Variants in PKP2 observed in about 807,000 individuals in gnomAD.
PKP2 encodes plakophilin-2.
PKP2 carries 73 observed loss-of-function variants against 83.4 expected under a neutral mutation model. That is an observed-to-expected ratio of 0.88 (90% CI 0.72 to 1.06). The LOEUF (loss-of-function observed/expected upper bound fraction) is 1.06, where lower values mean the gene tolerates loss of function less well. PKP2 is among the 50% of genes least tolerant of loss of function. The probability of loss-of-function intolerance (pLI) is 0.00; values close to 1 mark genes in which losing one functional copy is unlikely to be tolerated. For synonymous variants in PKP2, 409 were observed against 430.4 expected, an observed-to-expected ratio of 0.95 and a Z score of 0.62; for missense variants, 966 against 1,065.4, an observed-to-expected ratio of 0.91 and a Z score of 1.30.
chr12:32,858,405 T>C (rs1956773623), intron 4 of PKP2, among the ~76,000 whole-genome samples: 1 of 151,922 alleles, frequency 6.6e-6, no homozygotes, highest in East Asian at 1.9e-4. Flanking sequence ...CCCATTCCCT[T>C]CACCTATATG....
At chr12:32,872,402 C>A in intron 3 of PKP2, among the ~76,000 whole-genome samples, 1 of 152,112 alleles carries the variant, frequency 6.6e-6, no homozygotes, top group East Asian at 1.9e-4. Flanking sequence ...GGCGTGGTGG[C>A]GGGCACCTGT....
intron 4 of PKP2, among the ~76,000 whole-genome samples, chr12:32,855,653 G>T (rs1956739068): frequency 6.6e-6 from 1 of 151,524 alleles, no homozygotes; most frequent in Non-Finnish European, 1.5e-5. Flanking sequence ...GCGCAAGCCT[G>T]TAATCCCAGC....
intron 10 of PKP2, among the ~76,000 whole-genome samples, chr12:32,799,966 T>G (rs183842225): frequency 6.6e-6 from 1 of 152,358 alleles, no homozygotes; most frequent in Admixed American, 6.5e-5. Context: ...ATAAATCCAC[T>G]GGAACTTGTC....
chr12:32,796,027 C>T lies in PKP2; in HGVS notation c.2357+82G>A, dbSNP rs147438087. The T allele has an allele frequency of 2.6e-4, 315 of 1,194,140 alleles. No homozygotes were observed. The African/African-American group carries it at 4.1e-3, about 15-fold the overall frequency. 74.0% of individuals were successfully genotyped at this position (1,194,140 alleles called of 1,614,324 possible). A position where few individuals can be genotyped will look rare whatever the true frequency, so the allele number is the denominator to read the frequency against. ...CCATGTTGCACATGATGGTCATGAC[C>T]GCACATTCACAACCGGATTATTTAC... is the stretch of plus-strand genomic sequence containing the variant. On this transcript the variant is annotated intron_variant, in intron 11 of 12. Coordinates refer to ENST00000340811, the MANE Select transcript of PKP2 (RefSeq NM_001005242.3).
intron 3 of PKP2, among the ~76,000 whole-genome samples, chr12:32,869,715 A>G (rs1484841912): frequency 6.6e-6 from 1 of 152,222 alleles, no homozygotes; most frequent in Non-Finnish European, 1.5e-5. Flanking sequence ...AAATCTGTTT[A>G]CAGAAATTAA....
intron 10 of PKP2, 59 bp from the exon 11 acceptor site, chr12:32,796,357 G>T (rs754033010): frequency 1.1e-4 from 152 of 1,382,310 alleles, no homozygotes; most frequent in Non-Finnish European, 1.5e-4. Flanking sequence ...TTAATCCCAA[G>T]ATCCCAATAT....
intron 10 of PKP2, among the ~76,000 whole-genome samples, chr12:32,798,507 T>TA (rs1341667098): frequency 6.6e-6 from 1 of 151,502 alleles, no homozygotes; most frequent in Non-Finnish European, 1.5e-5. Flanking sequence ...AGAAAGGTAT[T>TA]AAAAAAATAG....
chr12:32,827,579 T>C (rs1051351554), intron 6 of PKP2, among the ~76,000 whole-genome samples: 2 of 152,244 alleles, frequency 1.3e-5, no homozygotes, highest in Non-Finnish European at 2.9e-5. Context: ...TGGCTACCTT[T>C]AGGCAGAATT....
intron 9 of PKP2, among the ~76,000 whole-genome samples, chr12:32,814,928 A>AG (rs1956306895): frequency 6.6e-6 from 1 of 152,072 alleles, no homozygotes; most frequent in African/African-American, 2.4e-5. Context: ...CTGTCTTAAA[A>AG]AAAAAAAAAT....
intron 1 of PKP2, among the ~76,000 whole-genome samples, chr12:32,884,325 G>A (rs1296428323): frequency 1.3e-5 from 2 of 152,070 alleles, no homozygotes; most frequent in East Asian, 3.8e-4. Flanking sequence ...GTGGTGGCAG[G>A]CACCTGTAAT....
intron 7 of PKP2, 32 bp from the exon 8 acceptor site, chr12:32,822,663 T>C: frequency 6.2e-7 from 1 of 1,607,150 alleles, no homozygotes; most frequent in Non-Finnish European, 8.5e-7. Context: ...ATTGATCGTA[T>C]ACATATAGAT....
chr12:32,852,017 C>T (rs1030296793), intron 4 of PKP2, among the ~76,000 whole-genome samples: 4 of 152,174 alleles, frequency 2.6e-5, no homozygotes, highest in East Asian at 1.9e-4. Context: ...CTGTTTTAGT[C>T]GGAAAATATG....
At chr12:32,892,391 A>C (rs139282023) in intron 1 of PKP2, among the ~76,000 whole-genome samples, 2,610 of 150,544 alleles carry the variant, frequency 0.017, 55 homozygotes, top group African/African-American at 0.049. Flanking sequence ...TGGCTCACTG[A>C]AACCTCTGAC....
At chr12:32,857,986 G>C (rs1216069819) in intron 4 of PKP2, among the ~76,000 whole-genome samples, 1 of 141,434 alleles carries the variant, frequency 7.1e-6, no homozygotes, top group Non-Finnish European at 1.5e-5. Context: ...CCAGCACTTT[G>C]AGAGGCTGAG....
rs1228919213 is a variant in PKP2 at position 32,826,659 on chromosome 12, T to C, written c.1557-2497A>G. The stretch of plus-strand genomic sequence containing the variant: ...ATTTAAAAAAAAATGAATGGGTTCA[T>C]AAGCTGGAAATAAAACAATTTTTTA... On this transcript the variant is annotated intron_variant, in intron 6 of 12. Transcript: ENST00000340811. Among the ~76,000 whole-genome samples the C allele has an allele frequency of 5.3e-5, 8 of 152,184 alleles. No individual in the cohort carries two copies. The East Asian group carries it at 1.2e-3, about 22-fold the overall frequency.
intron 4 of PKP2, among the ~76,000 whole-genome samples, chr12:32,853,067 G>A (rs1450169710): frequency 6.6e-6 from 1 of 152,168 alleles, no homozygotes; most frequent in African/African-American, 2.4e-5. Flanking sequence ...TCGGGCAACA[G>A]TGTGAGACTC....
intron 5 of PKP2, among the ~76,000 whole-genome samples, chr12:32,843,628 G>A (rs1956620771): frequency 6.6e-6 from 1 of 152,172 alleles, no homozygotes; most frequent in African/African-American, 2.4e-5. Context: ...ACTGTGTCTG[G>A]TGTCTTGTGA....
At chr12:32,859,742 C>T (rs1956782857) in intron 4 of PKP2, among the ~76,000 whole-genome samples, 1 of 152,152 alleles carries the variant, frequency 6.6e-6, no homozygotes, top group Non-Finnish European at 1.5e-5. Context: ...AGGTATGAGC[C>T]ACTATACCTG....
At chr12:32,831,396 T>C (rs10844370) in intron 6 of PKP2, among the ~76,000 whole-genome samples, 8,680 of 152,286 alleles carry the variant, frequency 0.057, 290 homozygotes, top group Non-Finnish European at 0.081. Context: ...GAATAAGACC[T>C]TGTGTCACAA....
Sources: allele counts gnomAD v4.1 joint callset (sites outside exome capture counted in the v4.1 genomes callset), GRCh38; gene constraint gnomAD v4.1.1; transcripts MANE v1.5; gene names NCBI Gene and HGNC (gene_info 2026-07-23, HGNC 2026-07-21).